FYB2: variants seen among roughly 807,000 people sequenced by gnomAD.
FYB2 encodes the protein FYN-binding protein 2.
Under a neutral mutation model 94.1 loss-of-function variants are expected in FYB2, and 103 were observed. The ratio of observed to expected loss-of-function variants is 1.09; its 90% CI spans 0.93 to 1.29. The LOEUF (loss-of-function observed/expected upper bound fraction) is 1.29, where lower values mean the gene tolerates loss of function less well. FYB2 is among the 50% of genes most tolerant of loss of function. The probability of loss-of-function intolerance (pLI) is 0.00; values close to 1 mark genes in which losing one functional copy is unlikely to be tolerated. For missense variants in FYB2, 896 were observed against 841.5 expected (o/e 1.06, Z -0.80); for synonymous variants, 293 against 287.9 (o/e 1.02, Z -0.18).
intron 5 of FYB2, among the ~76,000 whole-genome samples, chr1:56,766,960 G>A (rs912160965): frequency 6.6e-6 from 1 of 152,146 alleles, no homozygotes; most frequent in Non-Finnish European, 1.5e-5. Flanking sequence ...GAATTTAGAG[G>A]TAGCCTGAGC....
chr1:56,737,949 T>C (rs1644866496), intron 14 of FYB2, among the ~76,000 whole-genome samples: 1 of 152,110 alleles, frequency 6.6e-6, no homozygotes, highest in Non-Finnish European at 1.5e-5. Context: ...AGCAAACTCA[T>C]ATTTATGAAA....
Position 56,792,789 on chromosome 1 carries a change from G to A in FYB2, c.24C>T (p.Asn8=), listed in dbSNP as rs760576499. The stretch of plus-strand genomic sequence containing the variant: ...GAAATTTGGCTCGAAGTTCCTTGAA[G>A]TTTCTTACCCCTTCCTAAGGCAAAG... MEGEGVR[N]FKELRAKFQN... The change falls in exon 2 of 20, where the codon AAC becomes AAT. Residue 8 remains asparagine (N), a synonymous_variant. Coordinates refer to ENST00000343433, the MANE Select transcript of FYB2 (RefSeq NM_001004303.5). 6.2e-7 allele frequency: 1 copy of A among 1,611,786 alleles called. No homozygotes were observed. The highest frequency in any genetic ancestry group is 8.5e-7 in the Non-Finnish European group (1 of 1,179,112).
intron 15 of FYB2, among the ~76,000 whole-genome samples, chr1:56,729,632 C>A (rs1254184090): frequency 6.6e-6 from 1 of 152,086 alleles, no homozygotes; most frequent in African/African-American, 2.4e-5. Flanking sequence ...CAGCAAACAT[C>A]CTATTTAAAC....
chr1:56,763,858 TTC>T (rs1160601450), intron 5 of FYB2, among the ~76,000 whole-genome samples: 2 of 152,172 alleles, frequency 1.3e-5, no homozygotes, highest in African/African-American at 4.8e-5. Flanking sequence ...TCAAGAATTT[TTC>T]TCTGTCTTTA....
At chr1:56,817,412 T>C (rs1646908617) in intron 1 of FYB2, among the ~76,000 whole-genome samples, 1 of 152,232 alleles carries the variant, frequency 6.6e-6, no homozygotes, top group Non-Finnish European at 1.5e-5. Context: ...ATGGTCTCAT[T>C]GAAAATAGCA....
intron 15 of FYB2, among the ~76,000 whole-genome samples, chr1:56,728,554 G>A (rs1644634537): frequency 6.6e-6 from 1 of 152,096 alleles, no homozygotes; most frequent in African/African-American, 2.4e-5. Flanking sequence ...AATAGATAAA[G>A]TTAGACAGGG....
At chr1:56,791,049 C>A (rs1646251399) in intron 2 of FYB2, among the ~76,000 whole-genome samples, 1 of 151,976 alleles carries the variant, frequency 6.6e-6, no homozygotes, top group South Asian at 2.1e-4. Flanking sequence ...AAGCAGGGAC[C>A]AGCATGCAGG....
At chr1:56,752,555 T>C (rs1188433864) in intron 8 of FYB2, among the ~76,000 whole-genome samples, 1 of 152,048 alleles carries the variant, frequency 6.6e-6, no homozygotes, top group Non-Finnish European at 1.5e-5. Context: ...GGGCATTCTT[T>C]TAGGTCATAG....
intron 2 of FYB2, 82 bp downstream of exon 2, chr1:56,791,974 C>T: frequency 6.7e-7 from 1 of 1,500,702 alleles, no homozygotes; most frequent in Non-Finnish European, 8.9e-7. Context: ...TATACATAAC[C>T]ACTCTGAATC....
intron 1 of FYB2, among the ~76,000 whole-genome samples, chr1:56,810,741 C>T (rs1311430610): frequency 1.3e-5 from 2 of 152,140 alleles, no homozygotes; most frequent in Non-Finnish European, 2.9e-5. Context: ...GGCACTGCTG[C>T]CTGGAACGCA....
intron 5 of FYB2, 107 bp downstream of exon 5, chr1:56,767,722 G>C: frequency 2.5e-6 from 2 of 806,970 alleles, no homozygotes; most frequent in African/African-American, 3.5e-5. Flanking sequence ...GGTTGTGCAG[G>C]ATGGCTGTGC....
intron 15 of FYB2, among the ~76,000 whole-genome samples, chr1:56,733,076 C>T (rs1231307653): frequency 6.6e-6 from 1 of 151,918 alleles, no homozygotes; most frequent in East Asian, 1.9e-4. Flanking sequence ...TATTCACAAA[C>T]TATTAATCTG....
intron 15 of FYB2, among the ~76,000 whole-genome samples, chr1:56,736,698 G>A (rs1644838365): frequency 6.6e-6 from 1 of 152,122 alleles, no homozygotes; most frequent in Non-Finnish European, 1.5e-5. Flanking sequence ...TTACAGGCAT[G>A]AGCCACTGCA....
At chr1:56,766,628 G>A (rs1260662620) in intron 5 of FYB2, among the ~76,000 whole-genome samples, 2 of 151,948 alleles carry the variant, frequency 1.3e-5, no homozygotes, top group Non-Finnish European at 2.9e-5. Flanking sequence ...TAGTAGAGAC[G>A]GGGTTTCACC....
chr1:56,773,399 T>C (rs1645805355), intron 4 of FYB2, among the ~76,000 whole-genome samples: 1 of 152,188 alleles, frequency 6.6e-6, no homozygotes, highest in Non-Finnish European at 1.5e-5. Flanking sequence ...ATCACATTAA[T>C]AGCTACCATT....
At chr1:56,762,030 A>G (rs1043494446) in intron 5 of FYB2, 1 of 152,194 alleles carries the variant, frequency 6.6e-6, no homozygotes, top group African/African-American at 2.4e-5. Flanking sequence ...AAAAATAACA[A>G]CAACAGTTGG....
At chr1:56,792,910 A>C (rs1646307461) in intron 1 of FYB2, 107 bp from the exon 2 acceptor site, 1 of 1,120,228 alleles carries the variant, frequency 8.9e-7, no homozygotes. Context: ...GTGTGATTAG[A>C]TCTCACTGAT....
chr1:56,737,006 T>C, intron 15 of FYB2, 81 bp downstream of exon 15: 3 of 1,063,090 alleles, frequency 2.8e-6, no homozygotes, highest in Non-Finnish European at 4.3e-6. Flanking sequence ...TCTGAAAAGA[T>C]GGTTCTGTGA....
Position 56,738,623 on chromosome 1 carries a change from AC to A in FYB2, c.1732+1del. 4 of 1,610,580 alleles carry A rather than the reference AC, an allele frequency of 2.5e-6. No homozygotes were observed. The highest frequency in any genetic ancestry group is 3.4e-6 in the Non-Finnish European group (4 of 1,178,110). Reference sequence around the variant, plus strand: ...GGTCTGCAATAAGCAAATGGCACTTACCTAAATCAGGCAGCAAAATGGAAAA... The same window carrying A: ...GGTCTGCAATAAGCAAATGGCACTTACTAAATCAGGCAGCAAAATGGAAAA... On this transcript the variant is annotated splice_donor_variant, in intron 14 of 19. Transcript: ENST00000343433. LOFTEE classifies it high-confidence loss of function.
Sources: allele counts gnomAD v4.1 joint callset (sites outside exome capture counted in the v4.1 genomes callset), GRCh38; gene constraint gnomAD v4.1.1; transcripts MANE v1.5; gene names NCBI Gene and HGNC (gene_info 2026-07-23, HGNC 2026-07-21).